OPCML: variants seen among roughly 807,000 people sequenced by gnomAD.
The protein encoded by OPCML is opioid-binding protein/cell adhesion molecule.
OPCML carries 13 observed loss-of-function variants against 37.8 expected under a neutral mutation model. The observed-to-expected ratio is 0.34, with a 90% confidence interval of 0.22 to 0.55. The LOEUF is 0.55. OPCML is among the 20% of genes least tolerant of loss of function. The pLI is 0.91. For synonymous variants in OPCML, 176 were observed against 168.8 expected (o/e 1.04, Z -0.33); for missense variants, 341 against 435.6 (o/e 0.78, Z 1.93).
At chr11:132,820,506 G>A (rs538685860) in intron 2 of OPCML, among the ~76,000 whole-genome samples, 3 of 151,732 alleles carry the variant, frequency 2.0e-5, no homozygotes, top group East Asian at 1.9e-4. Context: ...TGGTGTGTGT[G>A]TATGTGTGTG....
chr11:133,179,264 AGGAGAAGAT>A (rs1937707723), intron 1 of OPCML, among the ~76,000 whole-genome samples: 1 of 152,250 alleles, frequency 6.6e-6, no homozygotes, highest in East Asian at 1.9e-4. Flanking sequence ...TAGTTAATAA[AGGAGAAGAT>A]GGTAGAATAA....
chr11:133,491,691 T>C (rs570989468), intron 1 of OPCML, among the ~76,000 whole-genome samples: 1 of 152,308 alleles, frequency 6.6e-6, no homozygotes, highest in South Asian at 2.1e-4. Context: ...TGAAATCTTC[T>C]CGTTGATCCC....
In OPCML at chr11:132,419,270, T is replaced by C. The variant is rs1030086672; in HGVS notation, c.*923A>G. The C allele has an allele frequency of 2.0e-5, 3 of 152,116 alleles. No homozygotes were observed. The highest frequency in any genetic ancestry group is 2.9e-5 in the Non-Finnish European group (2 of 68,022). The allele number at this position is 152,116 out of a possible 1,614,324, so 9.4% of individuals were successfully genotyped here. A position where few individuals can be genotyped will look rare whatever the true frequency, so the allele number is the denominator to read the frequency against. ...AGAAAGGAGTGTTAGACAATTACAT[T>C]GATAGATTGATAAACAGTAAATAGA... On this transcript the variant is annotated 3_prime_UTR_variant, in exon 8 of 8. Transcript: ENST00000524381.
At chr11:132,452,733 G>A (rs938824736) in intron 4 of OPCML, among the ~76,000 whole-genome samples, 2 of 151,798 alleles carry the variant, frequency 1.3e-5, no homozygotes, top group African/African-American at 4.8e-5. Flanking sequence ...TACCACTAAG[G>A]ACTAATAACT....
chr11:133,482,058 T>C (rs1044426665), intron 1 of OPCML, among the ~76,000 whole-genome samples: 4 of 152,018 alleles, frequency 2.6e-5, no homozygotes, highest in Non-Finnish European at 4.4e-5. Context: ...GGAATCAGAG[T>C]AAAGCAGATA....
chr11:132,756,217 C>T (rs114441387), intron 2 of OPCML, among the ~76,000 whole-genome samples: 127 of 152,230 alleles, frequency 8.3e-4, no homozygotes, highest in African/African-American at 2.5e-3. Flanking sequence ...GCCTTCTTCC[C>T]GAGTTCTTGA....
At chr11:132,557,502 T>C (rs10894579) in intron 3 of OPCML, among the ~76,000 whole-genome samples, 66,917 of 151,986 alleles carry the variant, frequency 0.44, 15,143 homozygotes, top group African/African-American at 0.49. Flanking sequence ...GCTACCATGA[T>C]ATCTTTAGTG....
chr11:133,050,900 T>C (rs1012740665), intron 1 of OPCML, among the ~76,000 whole-genome samples: 3 of 152,130 alleles, frequency 2.0e-5, no homozygotes, highest in Non-Finnish European at 4.4e-5. Context: ...GTGACAGTAA[T>C]TCCATTTCTG....
chr11:132,426,384 A>G (rs1388070317), intron 7 of OPCML, among the ~76,000 whole-genome samples: 1 of 152,184 alleles, frequency 6.6e-6, no homozygotes, highest in East Asian at 1.9e-4. Flanking sequence ...TCTACTTTTG[A>G]GAGGCTACGT....
At chr11:133,308,642 A>C (rs1942992385) in intron 1 of OPCML, among the ~76,000 whole-genome samples, 2 of 152,300 alleles carry the variant, frequency 1.3e-5, no homozygotes, top group South Asian at 2.1e-4. Context: ...GATGCAGTTA[A>C]CCCACAGTAA....
At chr11:132,564,688 T>C (rs1407583479) in intron 3 of OPCML, among the ~76,000 whole-genome samples, 1 of 152,084 alleles carries the variant, frequency 6.6e-6, no homozygotes, top group Non-Finnish European at 1.5e-5. Context: ...AAGGGAGTGT[T>C]CCCCTGTGTG....
chr11:132,478,053 A>T (rs948651873), intron 4 of OPCML, among the ~76,000 whole-genome samples: 1 of 152,214 alleles, frequency 6.6e-6, no homozygotes, highest in African/African-American at 2.4e-5. Flanking sequence ...GACAATTAGC[A>T]AGTTAGAAAT....
chr11:132,786,765 G>A (rs1220796207), intron 2 of OPCML, among the ~76,000 whole-genome samples: 2 of 152,154 alleles, frequency 1.3e-5, no homozygotes, highest in Non-Finnish European at 2.9e-5. Context: ...TGACGTGAAT[G>A]CACTTCAGTT....
chr11:133,204,878 A>ATATATATATGTGTG (rs1555114189), intron 1 of OPCML, among the ~76,000 whole-genome samples: 5 of 25,954 alleles, frequency 1.9e-4, no homozygotes, highest in African/African-American at 8.0e-4. Flanking sequence ...GTATATATAT[A>ATATATATATGTGTG]TATATATATA....
intron 1 of OPCML, among the ~76,000 whole-genome samples, chr11:133,275,526 T>C (rs531496628): frequency 1.3e-5 from 2 of 152,282 alleles, no homozygotes; most frequent in African/African-American, 4.8e-5. Flanking sequence ...GCCAGCATCA[T>C]CATGGGTCAG....
At chr11:132,719,180 C>T (rs528533169) in intron 2 of OPCML, among the ~76,000 whole-genome samples, 34 of 152,350 alleles carry the variant, frequency 2.2e-4, no homozygotes, top group East Asian at 7.8e-4. Flanking sequence ...GTTCTTCTGT[C>T]ATGCAGACAC....
At chr11:132,755,588 T>G (rs1946011202) in intron 2 of OPCML, among the ~76,000 whole-genome samples, 1 of 152,172 alleles carries the variant, frequency 6.6e-6, no homozygotes, top group African/African-American at 2.4e-5. Flanking sequence ...CTTAATATAT[T>G]CTAAGTGAAA....
chr11:132,562,346 G>C (rs1353786978), intron 3 of OPCML, among the ~76,000 whole-genome samples: 2 of 151,958 alleles, frequency 1.3e-5, no homozygotes, highest in Non-Finnish European at 2.9e-5. Context: ...AAAAAGTCTA[G>C]TATGAAAAAA....
chr11:133,428,647 G>A (rs1390190742), intron 1 of OPCML, among the ~76,000 whole-genome samples: 3 of 152,100 alleles, frequency 2.0e-5, no homozygotes, highest in Non-Finnish European at 4.4e-5. Flanking sequence ...AAGAACTATA[G>A]AAAATATACA....
Sources: gnomAD v4.1 joint callset for allele counts (sites outside exome capture counted in the v4.1 genomes callset) on GRCh38, gnomAD v4.1.1 for gene constraint, MANE v1.5 for transcripts, NCBI Gene and HGNC (gene_info 2026-07-23, HGNC 2026-07-21) for gene names.